The following MAGI3 variants were observed in gnomAD, a reference collection of about 807,000 sequenced individuals.
The protein encoded by MAGI3 is membrane-associated guanylate kinase, WW and PDZ domain-containing protein 3.
A neutral mutation model predicts 121.8 loss-of-function variants in MAGI3; 43 were observed. That is an observed-to-expected ratio of 0.35 (90% confidence interval 0.28 to 0.46). The LOEUF is 0.46. Ranked by LOEUF, MAGI3 falls within the 20% of genes least tolerant of loss-of-function variation. The pLI is 1.00. For missense variants in MAGI3, 1,547 were observed against 1,797.3 expected (o/e 0.86, Z 2.52); for synonymous variants, 553 against 639.3 (o/e 0.86, Z 2.04).
chr1:113,400,219 G>T (rs1651330309), intron 1 of MAGI3, among the ~76,000 whole-genome samples: 2 of 152,030 alleles, frequency 1.3e-5, no homozygotes, highest in Admixed American at 1.3e-4. Flanking sequence ...AAAGAGAGGG[G>T]TGGGTGCTCC....
chr1:113,632,797 A>G (rs1651716895), intron 9 of MAGI3, among the ~76,000 whole-genome samples: 1 of 152,248 alleles, frequency 6.6e-6, no homozygotes, highest in African/African-American at 2.4e-5. Context: ...AAATACACTC[A>G]TAAATTAACA....
chr1:113,417,837 G>A (rs976048164), intron 1 of MAGI3, among the ~76,000 whole-genome samples: 1 of 152,146 alleles, frequency 6.6e-6, no homozygotes, highest in African/African-American at 2.4e-5. Flanking sequence ...GATTGGCATA[G>A]TAGGTAATAG....
At chr1:113,470,181 T>C (rs1300684564) in intron 1 of MAGI3, among the ~76,000 whole-genome samples, 2 of 151,934 alleles carry the variant, frequency 1.3e-5, no homozygotes, top group African/African-American at 2.4e-5. Flanking sequence ...TTTTTTTTTT[T>C]CTCTCTTGCT....
At chr1:113,675,250 T>C (rs1374816342) in intron 19 of MAGI3, among the ~76,000 whole-genome samples, 1 of 152,154 alleles carries the variant, frequency 6.6e-6, no homozygotes, top group Non-Finnish European at 1.5e-5. Context: ...GGAGTATAAC[T>C]TGAATGGTAA....
intron 1 of MAGI3, among the ~76,000 whole-genome samples, chr1:113,543,066 G>A (rs1014469204): frequency 6.6e-6 from 1 of 151,652 alleles, no homozygotes; most frequent in Non-Finnish European, 1.5e-5. Context: ...ATATAATAAT[G>A]ATAATAATTC....
chr1:113,452,033 C>T (rs959402026), intron 1 of MAGI3, among the ~76,000 whole-genome samples: 2 of 152,162 alleles, frequency 1.3e-5, no homozygotes, highest in Admixed American at 6.5e-5. Flanking sequence ...GAAATGACCA[C>T]TTTTTGCTCT....
chr1:113,412,951 C>A (rs1298323733), intron 1 of MAGI3, among the ~76,000 whole-genome samples: 1 of 152,070 alleles, frequency 6.6e-6, no homozygotes, highest in South Asian at 2.1e-4. Context: ...AAGTCCTTGC[C>A]CATGCCTATG....
intron 1 of MAGI3, among the ~76,000 whole-genome samples, chr1:113,419,270 A>G (rs1652612790): frequency 6.6e-6 from 1 of 152,176 alleles, no homozygotes; most frequent in Non-Finnish European, 1.5e-5. Flanking sequence ...GAAGTCATTT[A>G]TCGAATCTAC....
chr1:113,627,549 G>A (rs1001931154), intron 9 of MAGI3, among the ~76,000 whole-genome samples: 3 of 148,842 alleles, frequency 2.0e-5, no homozygotes, highest in Non-Finnish European at 4.5e-5. Context: ...TTGTATTGAG[G>A]TCTATTTCTC....
intron 16 of MAGI3, among the ~76,000 whole-genome samples, chr1:113,670,434 T>C (rs923289801): frequency 1.3e-5 from 2 of 152,264 alleles, no homozygotes; most frequent in African/African-American, 4.8e-5. Context: ...GCTTTCTCAA[T>C]GGAAACTGCT....
intron 1 of MAGI3, among the ~76,000 whole-genome samples, chr1:113,467,978 C>A (rs1265309057): frequency 6.6e-6 from 1 of 152,082 alleles, no homozygotes; most frequent in Non-Finnish European, 1.5e-5. Flanking sequence ...TATGTAGTGA[C>A]CTTGTCTCTT....
At chr1:113,657,065 C>A (rs1413882271) in intron 15 of MAGI3, among the ~76,000 whole-genome samples, 1 of 152,006 alleles carries the variant, frequency 6.6e-6, no homozygotes, top group African/African-American at 2.4e-5. Flanking sequence ...CTTTGTTTTC[C>A]TGAAAAGAAA....
intron 1 of MAGI3, among the ~76,000 whole-genome samples, chr1:113,419,327 T>G (rs1362613542): frequency 6.6e-6 from 1 of 152,172 alleles, no homozygotes; most frequent in Non-Finnish European, 1.5e-5. Context: ...CTGGGGACTC[T>G]ACAGGTTAAC....
At chr1:113,566,111 A>C (rs1660424893) in intron 2 of MAGI3, among the ~76,000 whole-genome samples, 1 of 152,194 alleles carries the variant, frequency 6.6e-6, no homozygotes, top group Non-Finnish European at 1.5e-5. Flanking sequence ...TAGTAACATA[A>C]ATCAACCGCA....
intron 19 of MAGI3, among the ~76,000 whole-genome samples, chr1:113,677,972 C>T (rs531492618): frequency 6.6e-6 from 1 of 152,250 alleles, no homozygotes; most frequent in African/African-American, 2.4e-5. Context: ...GTATGTAGGT[C>T]TCTGCAGAAT....
At chr1:113,668,744 G>A (rs1285944614) in intron 16 of MAGI3, among the ~76,000 whole-genome samples, 3 of 151,030 alleles carry the variant, frequency 2.0e-5, no homozygotes, top group Admixed American at 6.6e-5. Context: ...CACCGCGCCC[G>A]GCTAATTTTT....
chr1:113,402,884 T>A (rs1390557081), intron 1 of MAGI3, among the ~76,000 whole-genome samples: 1 of 152,028 alleles, frequency 6.6e-6, no homozygotes, highest in Non-Finnish European at 1.5e-5. Flanking sequence ...GGGATTGAGG[T>A]GGCAGTTCTG....
intron 1 of MAGI3, among the ~76,000 whole-genome samples, chr1:113,517,406 A>G (rs1274597122): frequency 2.0e-5 from 3 of 151,864 alleles, no homozygotes; most frequent in Admixed American, 2.0e-4. Flanking sequence ...TGAGAAAATC[A>G]CCATTATAGT....
intron 1 of MAGI3, among the ~76,000 whole-genome samples, chr1:113,519,194 A>G (rs1483998804): frequency 6.6e-6 from 1 of 152,008 alleles, no homozygotes; most frequent in Non-Finnish European, 1.5e-5. Context: ...GGGTGGGGGA[A>G]GAGGGGTGGA....
Sources: gnomAD v4.1 joint callset for allele counts (sites outside exome capture counted in the v4.1 genomes callset) on GRCh38, gnomAD v4.1.1 for gene constraint, MANE v1.5 for transcripts, NCBI Gene and HGNC (gene_info 2026-07-23, HGNC 2026-07-21) for gene names.